Variants in PHC3 observed in about 807,000 individuals in gnomAD.
PHC3 encodes the protein polyhomeotic-like protein 3.
PHC3 carries 13 observed loss-of-function variants against 107.4 expected under a neutral mutation model. That is an observed-to-expected ratio of 0.12 (90% CI 0.08 to 0.19). PHC3 has a LOEUF of 0.19. Among genes scored for constraint, PHC3 ranks in the 10% least tolerant of loss-of-function variants. The probability of loss-of-function intolerance (pLI) is 1.00; values close to 1 mark genes in which losing one functional copy is unlikely to be tolerated. For missense variants in PHC3, 992 were observed against 1,210.9 expected (o/e 0.82, Z 2.68); for synonymous variants, 456 against 427.4 (o/e 1.07, Z -0.83).
At chr3:170,152,341 T>A (rs927602833) in intron 4 of PHC3, among the ~76,000 whole-genome samples, 5 of 147,684 alleles carry the variant, frequency 3.4e-5, no homozygotes, top group South Asian at 2.1e-4. Flanking sequence ...TGGCTAATTT[T>A]TTTTTTTTTT....
chr3:170,109,849 T>C (rs1717281807), intron 11 of PHC3, among the ~76,000 whole-genome samples: 1 of 152,132 alleles, frequency 6.6e-6, no homozygotes. Flanking sequence ...CTATATATAC[T>C]ACTAAAACCA....
At chr3:170,119,413 CTAATTAA>C (rs965277280) in intron 9 of PHC3, among the ~76,000 whole-genome samples, 41 of 152,168 alleles carry the variant, frequency 2.7e-4, no homozygotes, top group African/African-American at 9.9e-4. Flanking sequence ...GCTGTATATT[CTAATTAA>C]TATCTAGATC....
At chr3:170,166,701 G>GT (rs1728802193) in intron 4 of PHC3, among the ~76,000 whole-genome samples, 2 of 151,988 alleles carry the variant, frequency 1.3e-5, no homozygotes, top group Non-Finnish European at 2.9e-5. Flanking sequence ...GCCTCATACT[G>GT]TTGCCCAGGC....
At chr3:170,110,055 A>C (rs778030511) in intron 11 of PHC3, among the ~76,000 whole-genome samples, 1 of 151,956 alleles carries the variant, frequency 6.6e-6, no homozygotes, top group Admixed American at 6.6e-5. Context: ...TCCTTTCCTT[A>C]CTCTGATATC....
chr3:170,129,485 A>G lies in PHC3; in HGVS notation c.987T>C (p.Pro329=). The G allele has an allele frequency of 6.2e-7, 1 of 1,613,866 alleles. No individual in the cohort carries two copies. The highest frequency in any genetic ancestry group is 8.5e-7 in the Non-Finnish European group (1 of 1,179,842). ...TCAGCTGATGATGGGAAACTTTGGA[A>G]GGTGGTGAATGAAGAGGAATCTGCT... ...KHQQIPLHSP[P]SKVSHHQLIL... The change falls in exon 8 of 15, where the codon CCT becomes CCC. Residue 329 remains proline, a synonymous_variant. Coordinates refer to ENST00000495893, the MANE Select transcript of PHC3 (RefSeq NM_024947.4).
At position 170,117,491 on chromosome 3, in the gene PHC3, A is replaced by G. The variant is rs764075466; in HGVS notation, c.1943-15T>C. On this transcript the variant is annotated splice_polypyrimidine_tract_variant and intron_variant, in intron 9 of 14. Transcript: ENST00000495893. ...TTCCACTTGCTCTGAAAAAAAAACC[A>G]AAAAGTCATTTAAAAATTTTTTTAG... The G allele has an allele frequency of 5.7e-6, 9 of 1,582,766 alleles. No homozygotes were observed. Among genetic ancestry groups the G allele is most frequent in the Middle Eastern group, 1.7e-4 (1 of 5,886 alleles).
At position 170,105,965 on chromosome 3, in the gene PHC3, A is replaced by G. The variant is rs550257527; in HGVS notation, c.2468+867T>C. On this transcript the variant is annotated intron_variant, in intron 12 of 14. Coordinates refer to ENST00000495893, the MANE Select transcript of PHC3 (RefSeq NM_024947.4). ...GGTGGCTCACACACGTAATCCCAGCACTTTGGGAGGCCAAGGCGGGCAGAT... is the reference window on the plus strand; with the variant it reads ...GGTGGCTCACACACGTAATCCCAGCGCTTTGGGAGGCCAAGGCGGGCAGAT... 2.1e-4 allele frequency among the ~76,000 whole-genome samples: 32 copies of G among 152,312 alleles called. No homozygotes were observed. The South Asian group carries it at 5.6e-3, about 27-fold the overall frequency.
At chr3:170,160,605 A>T (rs1335860310) in intron 4 of PHC3, among the ~76,000 whole-genome samples, 1 of 152,238 alleles carries the variant, frequency 6.6e-6, no homozygotes, top group Non-Finnish European at 1.5e-5. Flanking sequence ...TGCAATAATC[A>T]AGAATTAACA....
intron 4 of PHC3, among the ~76,000 whole-genome samples, chr3:170,158,151 G>C (rs1311377475): frequency 1.3e-5 from 2 of 151,904 alleles, no homozygotes; most frequent in African/African-American, 4.8e-5. Context: ...ATTCCATAAG[G>C]TAAGCTGACC....
At chr3:170,156,829 T>C (rs1394143717) in intron 4 of PHC3, among the ~76,000 whole-genome samples, 2 of 149,628 alleles carry the variant, frequency 1.3e-5, no homozygotes, top group Non-Finnish European at 3.0e-5. Flanking sequence ...ACTCCTGACC[T>C]CGTGATCCAC....
At chr3:170,174,029 C>G (rs552233412) in intron 2 of PHC3, among the ~76,000 whole-genome samples, 53 of 152,168 alleles carry the variant, frequency 3.5e-4, no homozygotes, top group African/African-American at 1.2e-3. Context: ...CCTGTCTCTA[C>G]TAAAAATACA....
chr3:170,129,425 G>A lies in PHC3; in HGVS notation c.1047C>T (p.Ile349=), dbSNP rs528865407. 171 of 1,613,940 alleles carry A rather than the reference G, an allele frequency of 1.1e-4. 1 individual carries two copies. The South Asian group carries it at 1.7e-3, about 16-fold the overall frequency. The stretch of plus-strand genomic sequence containing the variant: ...GGTCTTGAGTTGAATTCTGAAGTGT[G>A]ATTGGCTGAATTTGCTGTTGCTGCT... ...LQQQQQQIQP[I]TLQNSTQDPP... Residue 349 remains isoleucine (I), a synonymous_variant, in exon 8 of 15, where the codon ATC becomes ATT. Coordinates refer to ENST00000495893, the MANE Select transcript of PHC3 (RefSeq NM_024947.4).
At position 170,163,456 on chromosome 3, in the gene PHC3, T is replaced by TAAAG. The variant is rs202000101; in HGVS notation, c.414+7913_414+7916dup. ...CATCTGAAAATTCCCAAATATTTAG[T>TAAAG]AAAGAGTGTGTGTGTGTGTGTGTGT... On this transcript the variant is annotated intron_variant, in intron 4 of 14. Transcript: ENST00000495893. 9.2e-3 allele frequency among the ~76,000 whole-genome samples: 1,005 copies of TAAAG among 109,502 alleles called. 15 individuals are homozygous for TAAAG. Among genetic ancestry groups the TAAAG allele is most frequent in the African/African-American group, 0.033 (963 of 28,900 alleles). The allele number at this position is 109,502 out of a possible 152,430, so 71.8% of individuals were successfully genotyped here. A position where few individuals can be genotyped will look rare whatever the true frequency, so the allele number is the denominator to read the frequency against.
At chr3:170,147,996 G>A (rs956218087) in intron 5 of PHC3, 1 of 152,210 alleles carries the variant, frequency 6.6e-6, no homozygotes, top group East Asian at 1.9e-4. Context: ...TCCAAGCCAG[G>A]TGTGGTGGTT....
At chr3:170,128,613 A>C in intron 8 of PHC3, 71 bp downstream of exon 8, 1 of 1,505,518 alleles carries the variant, frequency 6.6e-7, no homozygotes, top group Non-Finnish European at 8.9e-7. Context: ...CTTGCAATAA[A>C]ACATAGTGTG....
rs370421296 is a variant in PHC3, at chr3:170,126,528, A to ATATATATATATAT, written c.1788+2155_1788+2156insATATATATATATA. Among the ~76,000 whole-genome samples, 14 of 90,612 alleles carry ATATATATATATAT rather than the reference A, an allele frequency of 1.5e-4. 1 individual carries two copies. Among genetic ancestry groups the ATATATATATATAT allele is most frequent in the African/African-American group, 6.3e-4 (14 of 22,330 alleles). The allele number at this position is 90,612 out of a possible 152,430, so 59.4% of individuals were successfully genotyped here. ...TGTATATATATATATATATATATAT[A>ATATATATATATAT]TTTTTTTTTTTTTTTCCTTTTTCTT... On this transcript the variant is annotated intron_variant, in intron 8 of 14. Coordinates refer to ENST00000495893, the MANE Select transcript of PHC3 (RefSeq NM_024947.4).
chr3:170,157,902 A>T (rs906414810), intron 4 of PHC3, among the ~76,000 whole-genome samples: 38 of 151,902 alleles, frequency 2.5e-4, no homozygotes, highest in African/African-American at 8.9e-4. Context: ...TAGTCAATGC[A>T]GGTTTACTTA....
At chr3:170,118,647 G>C (rs1719530393) in intron 9 of PHC3, among the ~76,000 whole-genome samples, 1 of 152,090 alleles carries the variant, frequency 6.6e-6, no homozygotes, top group African/African-American at 2.4e-5. Context: ...TCCAGACCTT[G>C]TGATCCACCC....
In PHC3 at chr3:170,092,511, G is replaced by C. The variant is rs181401799; in HGVS notation, c.*4719C>G. 2.0e-5 allele frequency: 3 copies of C among 152,282 alleles called. No individual in the cohort carries two copies. In the East Asian group the frequency reaches 5.8e-4, roughly 29 times the overall value. The allele number at this position is 152,282 out of a possible 1,614,324, so 9.4% of individuals were successfully genotyped here. A position where few individuals can be genotyped will look rare whatever the true frequency, so the allele number is the denominator to read the frequency against. ...ATGATCCACACTGCTGTGAACCAAA[G>C]AAGCAGAGGTAGGCTTGTGTTTACT... On this transcript the variant is annotated 3_prime_UTR_variant, in exon 15 of 15. Coordinates refer to ENST00000495893, the MANE Select transcript of PHC3 (RefSeq NM_024947.4).
Sources: allele counts gnomAD v4.1 joint callset (sites outside exome capture counted in the v4.1 genomes callset), GRCh38; gene constraint gnomAD v4.1.1; transcripts MANE v1.5; gene names NCBI Gene and HGNC (gene_info 2026-07-23, HGNC 2026-07-21).